Variants in CAMKMT observed in about 807,000 individuals in gnomAD.
CAMKMT encodes the protein calmodulin-lysine N-methyltransferase, also known as CaM KMT.
Under a neutral mutation model 48.0 loss-of-function variants are expected in CAMKMT, and 53 were observed. That is an observed-to-expected ratio of 1.10 (90% CI 0.89 to 1.39). CAMKMT has a LOEUF of 1.39. CAMKMT is among the 40% of genes most tolerant of loss of function. The probability of loss-of-function intolerance (pLI) is 0.00; values close to 1 mark genes in which losing one functional copy is unlikely to be tolerated. For missense variants in CAMKMT, 428 were observed against 402.7 expected (o/e 1.06, Z -0.54); for synonymous variants, 165 against 152.3 (o/e 1.08, Z -0.61).
intron 3 of CAMKMT, among the ~76,000 whole-genome samples, chr2:44,428,703 AT>A (rs1684441356): frequency 6.6e-6 from 1 of 152,178 alleles, no homozygotes; most frequent in Non-Finnish European, 1.5e-5. Flanking sequence ...GTCTGTATGT[AT>A]GTATATATAT....
At chr2:44,513,110 C>G (rs1670650435) in intron 3 of CAMKMT, among the ~76,000 whole-genome samples, 1 of 152,112 alleles carries the variant, frequency 6.6e-6, no homozygotes, top group Non-Finnish European at 1.5e-5. Flanking sequence ...CACATCTATG[C>G]TAGCTATTGA....
intron 3 of CAMKMT, among the ~76,000 whole-genome samples, chr2:44,669,669 G>T (rs959913940): frequency 2.0e-5 from 3 of 151,298 alleles, no homozygotes; most frequent in African/African-American, 7.3e-5. Flanking sequence ...ACAGGGTCTC[G>T]CTCTGTCACC....
intron 8 of CAMKMT, among the ~76,000 whole-genome samples, chr2:44,753,527 C>T (rs949414085): frequency 6.8e-6 from 1 of 146,980 alleles, no homozygotes; most frequent in East Asian, 1.9e-4. Context: ...TGAGATTGTT[C>T]TTTGTTTTTG....
chr2:44,568,275 T>C (rs1364042823), intron 3 of CAMKMT, among the ~76,000 whole-genome samples: 1 of 152,214 alleles, frequency 6.6e-6, no homozygotes, highest in Non-Finnish European at 1.5e-5. Flanking sequence ...TCAGTGCATT[T>C]GCTTGGAAAC....
intron 3 of CAMKMT, among the ~76,000 whole-genome samples, chr2:44,514,415 C>T (rs182476539): frequency 1.2e-4 from 19 of 152,282 alleles, no homozygotes; most frequent in Admixed American, 9.2e-4. Flanking sequence ...CAGAGTGTCT[C>T]GAGTTTGCCC....
At chr2:44,749,738 C>T (rs1440938788) in intron 8 of CAMKMT, among the ~76,000 whole-genome samples, 1 of 152,200 alleles carries the variant, frequency 6.6e-6, no homozygotes, top group Non-Finnish European at 1.5e-5. Context: ...CTTTAAAACC[C>T]TGAACCAAGT....
rs374413073 is a variant in CAMKMT at position 44,486,077 on chromosome 2, G to A, written c.376+95772G>A. Among the ~76,000 whole-genome samples, 17 of 152,304 alleles carry A rather than the reference G, an allele frequency of 1.1e-4. No homozygotes were observed. In the East Asian group the frequency reaches 1.2e-3, roughly 10 times the overall value. ...TCCCCTGGGTTCAAGCAATTCTCATGCCTCAGCCTCCTGAGTAGCTGGGAT... is the reference window on the plus strand; with the variant it reads ...TCCCCTGGGTTCAAGCAATTCTCATACCTCAGCCTCCTGAGTAGCTGGGAT... On this transcript the variant is annotated intron_variant, in intron 3 of 10. Coordinates refer to ENST00000378494, the MANE Select transcript of CAMKMT (RefSeq NM_024766.5).
chr2:44,420,579 A>ATT (rs1333969364), intron 3 of CAMKMT, among the ~76,000 whole-genome samples: 32 of 151,242 alleles, frequency 2.1e-4, no homozygotes, highest in African/African-American at 7.0e-4. Flanking sequence ...ATATATATAT[A>ATT]TTTTTTTCTC....
At chr2:44,765,894 C>T (rs1680822353) in intron 9 of CAMKMT, among the ~76,000 whole-genome samples, 1 of 152,166 alleles carries the variant, frequency 6.6e-6, no homozygotes, top group South Asian at 2.1e-4. Context: ...ACAGAAAAGG[C>T]TAGGGCAGGA....
intron 3 of CAMKMT, among the ~76,000 whole-genome samples, chr2:44,455,450 C>T (rs1030832705): frequency 6.6e-6 from 1 of 152,162 alleles, no homozygotes; most frequent in Non-Finnish European, 1.5e-5. Context: ...TGGGATATGG[C>T]AGTGGTTTGA....
At position 44,707,389 on chromosome 2, in the gene CAMKMT, T is replaced by C. The variant is rs1480351201; in HGVS notation, c.493-10T>C. 6.2e-7 allele frequency: 1 copy of C among 1,612,010 alleles called. No homozygotes were observed. The highest frequency in any genetic ancestry group is 1.3e-5 in the African/African-American group (1 of 74,774). ...GCTCATTGTTTGCTGTGCTCCCTTT[T>C]TTTTTTCAGGTTGCTATTTCTGCAG... On this transcript the variant is annotated splice_polypyrimidine_tract_variant and intron_variant, in intron 5 of 10. Coordinates refer to ENST00000378494, the MANE Select transcript of CAMKMT (RefSeq NM_024766.5).
chr2:44,507,554 C>G (rs181728397), intron 3 of CAMKMT, among the ~76,000 whole-genome samples: 41 of 152,056 alleles, frequency 2.7e-4, no homozygotes, highest in Middle Eastern at 3.4e-3. Flanking sequence ...TGTCTATTTT[C>G]TGTTTGCAGT....
In CAMKMT at chr2:44,519,651, G is replaced by A. The variant is rs144345851; in HGVS notation, c.376+129346G>A. Among the ~76,000 whole-genome samples, 818 of 152,164 alleles carry A rather than the reference G, an allele frequency of 5.4e-3. 8 individuals carry two copies. Among genetic ancestry groups the A allele is most frequent in the African/African-American group, 0.019 (774 of 41,520 alleles). On this transcript the variant is annotated intron_variant, in intron 3 of 10. Coordinates refer to ENST00000378494, the MANE Select transcript of CAMKMT (RefSeq NM_024766.5). ...GAATTAGCATGGTATGTTTAAAAAC[G>A]AAACAAAACAAAAAAGTGTGACTTA...
intron 3 of CAMKMT, among the ~76,000 whole-genome samples, chr2:44,463,635 T>A (rs373321930): frequency 9.9e-5 from 15 of 152,134 alleles, no homozygotes; most frequent in African/African-American, 3.6e-4. Context: ...GGGTCTACAG[T>A]GAACAAAAGA....
At chr2:44,597,987 G>T (rs774460809) in intron 3 of CAMKMT, among the ~76,000 whole-genome samples, 1 of 151,906 alleles carries the variant, frequency 6.6e-6, no homozygotes, top group Admixed American at 6.6e-5. Flanking sequence ...CACCTGCCTC[G>T]GCCTCCCAAA....
chr2:44,381,050 C>T (rs1680193313), intron 2 of CAMKMT, among the ~76,000 whole-genome samples: 1 of 151,992 alleles, frequency 6.6e-6, no homozygotes. Flanking sequence ...ATCCCAGCTA[C>T]TCGGGAGGCT....
At chr2:44,428,949 C>A (rs576452662) in intron 3 of CAMKMT, among the ~76,000 whole-genome samples, 2 of 152,284 alleles carry the variant, frequency 1.3e-5, no homozygotes, top group South Asian at 4.1e-4. Context: ...AGTTATTTTG[C>A]CTTTTCCTGC....
intron 3 of CAMKMT, among the ~76,000 whole-genome samples, chr2:44,459,087 G>A (rs1043384524): frequency 6.6e-6 from 1 of 151,282 alleles, no homozygotes; most frequent in Non-Finnish European, 1.5e-5. Flanking sequence ...TACCTCTGTA[G>A]ACATTTCTAA....
intron 3 of CAMKMT, among the ~76,000 whole-genome samples, chr2:44,446,546 A>G (rs1196536151): frequency 6.6e-6 from 1 of 151,934 alleles, no homozygotes. Context: ...GGGTTTTGCC[A>G]TGTTGGCCAG....
Sources: gnomAD v4.1 joint callset for allele counts (sites outside exome capture counted in the v4.1 genomes callset) on GRCh38, gnomAD v4.1.1 for gene constraint, MANE v1.5 for transcripts, NCBI Gene and HGNC (gene_info 2026-07-23, HGNC 2026-07-21) for gene names.